The following TRPM1 variants were observed in gnomAD, a reference collection of about 807,000 sequenced individuals.
The protein encoded by TRPM1 is transient receptor potential cation channel subfamily M member 1, also known as TRPM1-203 APA Isoform, Intron 10.
In TRPM1, 113 loss-of-function variants were observed where a neutral mutation model predicts 149.4. The ratio of observed to expected loss-of-function variants is 0.76; its 90% confidence interval spans 0.65 to 0.88. The LOEUF is 0.88. Ranked by LOEUF, TRPM1 falls within the 40% of genes least tolerant of loss-of-function variation. The pLI is 0.00. For synonymous variants in TRPM1, 741 were observed against 759.5 expected, an observed-to-expected ratio of 0.98 and a Z score of 0.40; for missense variants, 1,976 against 2,038.7, an observed-to-expected ratio of 0.97 and a Z score of 0.59.
rs754742048 is a variant in TRPM1 at position 31,029,377 on chromosome 15, T to C, written c.3142A>G (p.Ile1048Val). The C allele has an allele frequency of 4.3e-6, 7 of 1,613,778 alleles. No individual in the cohort carries two copies. Among genetic ancestry groups the C allele is most frequent in the Non-Finnish European group, 5.9e-6 (7 of 1,179,864 alleles). The change falls in exon 24 of 28, where the codon ATT becomes GTT. Residue 1048 changes from isoleucine to valine, a missense_variant. This residue lies in a region of TRPM1 where 1,332 missense variants were observed against 1,347.1 expected (regional missense o/e 0.99). Coordinates refer to ENST00000256552, the MANE Select transcript of TRPM1 (RefSeq NM_001252024.2). Reference protein sequence around the residue: ...ADQIDLYAMEINPPCGENLYD... With the variant: ...ADQIDLYAMEVNPPCGENLYD... ...CAATTCCATGTAAACTTACGATTAA[T>C]TTCCATGGCGTAGACTACATGACGA...
At chr15:31,150,657 A>C (rs917062493) in intron 1 of TRPM1, among the ~76,000 whole-genome samples, 4 of 152,004 alleles carry the variant, frequency 2.6e-5, no homozygotes, top group Admixed American at 1.3e-4. Flanking sequence ...GCTGGTCTCA[A>C]ACTCCTGACC....
intron 1 of TRPM1, among the ~76,000 whole-genome samples, chr15:31,129,635 G>C (rs2035993295): frequency 6.6e-6 from 1 of 152,226 alleles, no homozygotes; most frequent in Non-Finnish European, 1.5e-5. Context: ...TGGGAGCAGA[G>C]GGATAGAAAG....
chr15:31,070,248 G>C (rs1567033116), intron 3 of TRPM1, 22 bp from the exon 4 acceptor site: 3 of 1,597,974 alleles, frequency 1.9e-6, no homozygotes, highest in East Asian at 4.5e-5. Context: ...GGCAAAGCAG[G>C]GTCTTTCTAC....
chr15:31,144,526 T>C (rs571237785), intron 1 of TRPM1, among the ~76,000 whole-genome samples: 1 of 152,288 alleles, frequency 6.6e-6, no homozygotes, highest in Admixed American at 6.5e-5. Flanking sequence ...GTGGTTACTC[T>C]TGCTGCAATT....
intron 12 of TRPM1, among the ~76,000 whole-genome samples, chr15:31,049,825 T>C (rs1002214549): frequency 2.0e-5 from 3 of 152,274 alleles, no homozygotes; most frequent in Admixed American, 2.0e-4. Context: ...GACTGAGAAG[T>C]TGTGCCAGGA....
intron 8 of TRPM1, 35 bp downstream of exon 8, chr15:31,063,083 C>G (rs764821961): frequency 1.2e-6 from 2 of 1,613,336 alleles, no homozygotes; most frequent in African/African-American, 2.7e-5. Flanking sequence ...GAGGGAGTTA[C>G]GAACCCGCCC....
At chr15:31,039,457 T>C (rs996849186) in intron 18 of TRPM1, among the ~76,000 whole-genome samples, 1 of 152,188 alleles carries the variant, frequency 6.6e-6, no homozygotes, top group Non-Finnish European at 1.5e-5. Flanking sequence ...GTAACTCGTA[T>C]AGTCTTTTCT....
chr15:31,052,363 G>A (rs924538907), intron 11 of TRPM1, among the ~76,000 whole-genome samples: 1 of 152,184 alleles, frequency 6.6e-6, no homozygotes, highest in African/African-American at 2.4e-5. Flanking sequence ...CCAACAAATG[G>A]TGCTGGGAAA....
intron 11 of TRPM1, among the ~76,000 whole-genome samples, chr15:31,059,603 C>T (rs577576859): frequency 3.9e-5 from 6 of 152,154 alleles, no homozygotes; most frequent in Admixed American, 1.3e-4. Flanking sequence ...GATGGTGTCT[C>T]ACTATGTTGA....
chr15:31,104,887 C>A (rs1223451778), upstream of TRPM1, among the ~76,000 whole-genome samples: 1 of 151,954 alleles, frequency 6.6e-6, no homozygotes, highest in Non-Finnish European at 1.5e-5. Context: ...AGCCACCATG[C>A]CCAGCTGCAA....
At chr15:31,151,234 A>G (rs1239306546) in intron 1 of TRPM1, among the ~76,000 whole-genome samples, 1 of 152,118 alleles carries the variant, frequency 6.6e-6, no homozygotes, top group African/African-American at 2.4e-5. Flanking sequence ...GCAAGACTCT[A>G]ACACTCTGGT....
chr15:31,151,754 C>A (rs1206265002), intron 1 of TRPM1, among the ~76,000 whole-genome samples: 1 of 152,232 alleles, frequency 6.6e-6, no homozygotes. Context: ...TCACCTCTGA[C>A]CTCACATCTC....
chr15:31,096,623 G>A (rs572434857), intron 1 of TRPM1, among the ~76,000 whole-genome samples: 5 of 152,346 alleles, frequency 3.3e-5, no homozygotes, highest in African/African-American at 1.2e-4. Flanking sequence ...CTGGGTTTCA[G>A]AGGCTAGGCA....
intron 21 of TRPM1, among the ~76,000 whole-genome samples, chr15:31,033,199 A>G (rs2033177290): frequency 1.3e-5 from 2 of 152,326 alleles, no homozygotes; most frequent in South Asian, 4.1e-4. Context: ...CTGTAATTAA[A>G]GCAGCTGCAT....
In TRPM1 at chr15:31,040,433, G is replaced by A. The variant is rs1219191623; in HGVS notation, c.2088-87C>T. ...GGCATATCCACCAAGGACTTATGGA[G>A]CCACGGGACACAGTATCCTTCACTG... On this transcript the variant is annotated intron_variant, in intron 17 of 27. Transcript: ENST00000256552. This position sits in a 1 kb window ranked among gnomAD's most constrained non-coding sequence, Gnocchi z 4.2. 3.7e-6 allele frequency: 4 copies of A among 1,087,086 alleles called. No homozygotes were observed. The highest frequency in any genetic ancestry group is 4.2e-6 in the Non-Finnish European group (3 of 713,954). The allele number at this position is 1,087,086 out of a possible 1,614,324, so 67.3% of individuals were successfully genotyped here.
chr15:31,133,693 A>C (rs1276321682), intron 1 of TRPM1, among the ~76,000 whole-genome samples: 1 of 151,886 alleles, frequency 6.6e-6, no homozygotes, highest in Non-Finnish European at 1.5e-5. Flanking sequence ...AACAAAACAA[A>C]AAAAAAATTG....
At chr15:31,057,906 TTC>T (rs1233773268) in intron 11 of TRPM1, among the ~76,000 whole-genome samples, 2 of 152,316 alleles carry the variant, frequency 1.3e-5, no homozygotes, top group African/African-American at 4.8e-5. Context: ...TTGTGCTCTT[TTC>T]TCTCTCTCAT....
intron 27 of TRPM1, among the ~76,000 whole-genome samples, chr15:31,005,104 AAAATAAAT>A (rs71420541): frequency 9.1e-5 from 13 of 142,844 alleles, no homozygotes; most frequent in Middle Eastern, 3.5e-3. Context: ...TCCATCTCAA[AAAATAAAT>A]AAATAAATAA....
intron 1 of TRPM1, among the ~76,000 whole-genome samples, chr15:31,157,331 T>A (rs1303814069): frequency 6.6e-6 from 1 of 152,180 alleles, no homozygotes; most frequent in African/African-American, 2.4e-5. Flanking sequence ...AACAAAAGCT[T>A]ACCTATACTG....
Sources: gnomAD v4.1 joint callset for allele counts (sites outside exome capture counted in the v4.1 genomes callset) on GRCh38, gnomAD v4.1.1 for gene constraint, gnomAD v4.1.1 regional missense constraint, Gnocchi (gnomAD v3.1) non-coding constraint, MANE v1.5 for transcripts, NCBI Gene and HGNC (gene_info 2026-07-23, HGNC 2026-07-21) for gene names.